SLC16A6: variants seen among roughly 807,000 people sequenced by gnomAD.
SLC16A6 encodes the protein monocarboxylate transporter 7.
SLC16A6 carries 15 observed loss-of-function variants against 33.8 expected under a neutral mutation model. The ratio of observed to expected loss-of-function variants is 0.44; its 90% confidence interval spans 0.30 to 0.68. The LOEUF (loss-of-function observed/expected upper bound fraction) is 0.68, where lower values mean the gene tolerates loss of function less well. Ranked by LOEUF, SLC16A6 falls within the 30% of genes least tolerant of loss-of-function variation. The pLI is 0.10. For missense variants in SLC16A6, 451 were observed against 661.5 expected (o/e 0.68, Z 3.49); for synonymous variants, 219 against 248.4 (o/e 0.88, Z 1.11).
In SLC16A6 at chr17:68,271,026, A is replaced by G; in HGVS notation, c.1134T>C (p.Phe378=). Residue 378 remains phenylalanine (F), a synonymous_variant, in exon 5 of 6, where the codon TTT becomes TTC. Coordinates refer to ENST00000580666, the MANE Select transcript of SLC16A6 (RefSeq NM_004694.5). This position sits in a 1 kb window ranked among gnomAD's most constrained non-coding sequence, Gnocchi z 5.3. ...LLTVSLFAFT[F]ATEFWGLMSC... ...ACATTAGACCCCAGAATTCAGTAGC[A>G]AAAGTAAAGGCAAACAGAGACACAG... The G allele has an allele frequency of 6.2e-7, 1 of 1,614,220 alleles. No homozygotes were observed. The highest frequency in any genetic ancestry group is 1.1e-5 in the South Asian group (1 of 91,092).
At chr17:68,281,600 G>A (rs1314682731) in intron 1 of SLC16A6, among the ~76,000 whole-genome samples, 1 of 151,876 alleles carries the variant, frequency 6.6e-6, no homozygotes, top group Non-Finnish European at 1.5e-5. Context: ...AAATAAAATG[G>A]GTGAATAATC....
At chr17:68,273,858 C>G in intron 3 of SLC16A6, 69 bp downstream of exon 3, 1 of 1,539,690 alleles carries the variant, frequency 6.5e-7, no homozygotes, top group Non-Finnish European at 8.8e-7. Context: ...GCTTTAATTT[C>G]CTCCTTCCCC....
intron 1 of SLC16A6, among the ~76,000 whole-genome samples, chr17:68,282,797 A>T (rs1245448529): frequency 2.0e-5 from 3 of 149,538 alleles, no homozygotes; most frequent in Non-Finnish European, 4.5e-5. Context: ...AAAAAAAAAA[A>T]AAAGGCCAGG....
Position 68,274,031 on chromosome 17 carries a change from C to A in SLC16A6, c.272G>T (p.Arg91Leu), listed in dbSNP as rs368706585. ...ATVLSNRFGH[R>L]LVVMLGGLLV... ...TAGCCCCCCCAACATCACTACCAGA[C>A]GGTGTCCGAAACGATTGCTCAGGAC... The change falls in exon 3 of 6, where the codon CGT becomes CTT. Residue 91 changes from arginine (R) to leucine (L), a missense_variant. Around this residue, in one of 2 missense-constraint regions of SLC16A6, gnomAD observed 405 missense variants for 510.7 expected, o/e 0.79. Coordinates refer to ENST00000580666, the MANE Select transcript of SLC16A6 (RefSeq NM_004694.5). 4 of 1,614,002 alleles carry A rather than the reference C, an allele frequency of 2.5e-6. No homozygotes were observed. The African/African-American group carries it at 5.3e-5, about 22-fold the overall frequency.
chr17:68,286,505 A>G (rs1330942007), intron 1 of SLC16A6, among the ~76,000 whole-genome samples: 1 of 151,934 alleles, frequency 6.6e-6, no homozygotes, highest in Admixed American at 6.6e-5. Context: ...AGAGCATTTT[A>G]TTGTATTTAA....
intron 5 of SLC16A6, among the ~76,000 whole-genome samples, chr17:68,269,751 G>T (rs1310753754): frequency 1.5e-5 from 2 of 131,414 alleles, no homozygotes; most frequent in Non-Finnish European, 3.0e-5. Flanking sequence ...TCAGGTCACT[G>T]CAACCTCTGC....
chr17:68,269,955 G>A (rs1479731498), intron 5 of SLC16A6, among the ~76,000 whole-genome samples: 2 of 152,148 alleles, frequency 1.3e-5, no homozygotes, highest in African/African-American at 2.4e-5. Context: ...TTAGAGGCAT[G>A]AGCCACTGCG....
chr17:68,276,240 C>T (rs2075515824), intron 2 of SLC16A6, among the ~76,000 whole-genome samples: 1 of 150,720 alleles, frequency 6.6e-6, no homozygotes, highest in African/African-American at 2.4e-5. Context: ...ATTACAGGTG[C>T]CCACCACCAC....
chr17:68,277,070 T>C (rs1643441369), intron 2 of SLC16A6, among the ~76,000 whole-genome samples: 1 of 152,206 alleles, frequency 6.6e-6, no homozygotes, highest in Admixed American at 6.5e-5. Context: ...TTTTGCTTCA[T>C]GCATCCACAT....
At position 68,268,943 on chromosome 17, in the gene SLC16A6, G is replaced by A. The variant is rs1407650226; in HGVS notation, c.*153C>T. 1.4e-5 allele frequency: 20 copies of A among 1,444,212 alleles called. No individual in the cohort carries two copies. Among genetic ancestry groups the A allele is most frequent in the Middle Eastern group, 1.8e-4 (1 of 5,430 alleles). The allele number at this position is 1,444,212 out of a possible 1,614,324, so 89.5% of individuals were successfully genotyped here. A position where few individuals can be genotyped will look rare whatever the true frequency, so the allele number is the denominator to read the frequency against. On this transcript the variant is annotated 3_prime_UTR_variant, in exon 6 of 6. Coordinates refer to ENST00000580666, the MANE Select transcript of SLC16A6 (RefSeq NM_004694.5). ...AAACAAAACAAAACAAAACAAAAGCGATGTTGGTAGTGCTCTTCACATACA... is the reference window on the plus strand; with the variant it reads ...AAACAAAACAAAACAAAACAAAAGCAATGTTGGTAGTGCTCTTCACATACA...
intron 2 of SLC16A6, among the ~76,000 whole-genome samples, chr17:68,276,358 T>G (rs900074622): frequency 1.3e-5 from 2 of 152,224 alleles, no homozygotes; most frequent in Admixed American, 6.5e-5. Context: ...AGAAGGGCTT[T>G]AATTTCAGCA....
chr17:68,272,509 A>T, intron 4 of SLC16A6, 130 bp downstream of exon 4: 1 of 1,059,064 alleles, frequency 9.4e-7, no homozygotes, highest in Non-Finnish European at 1.4e-6. Context: ...GCTGGAGAAG[A>T]GACGTAAATA....
Position 68,272,684 on chromosome 17 carries a change from C to G in SLC16A6, c.460G>C (p.Val154Leu). The G allele has an allele frequency of 6.2e-7, 1 of 1,614,158 alleles. No homozygotes were observed. Among genetic ancestry groups the G allele is most frequent in the Non-Finnish European group, 8.5e-7 (1 of 1,180,004 alleles). ...FGKRRSIVTA[V>L]ASTGECFAVF... Reference sequence around the variant, plus strand: ...GCGAAACATTCTCCTGTGGAAGCAACTGCAGTGACTATGGAACGTCTTTTG... The same window carrying G: ...GCGAAACATTCTCCTGTGGAAGCAAGTGCAGTGACTATGGAACGTCTTTTG... Residue 154 changes from valine to leucine, a missense_variant, in exon 4 of 6, where the codon GTT (valine) becomes CTT (leucine). This residue lies in a region of SLC16A6 where 405 missense variants were observed against 510.7 expected (regional missense o/e 0.79). Coordinates refer to ENST00000580666, the MANE Select transcript of SLC16A6 (RefSeq NM_004694.5).
rs2075215874 is a variant in SLC16A6, at chr17:68,268,245, A to G, written c.*851T>C. On this transcript the variant is annotated 3_prime_UTR_variant, in exon 6 of 6. Transcript: ENST00000580666. ...TTCTTTTGATTACTTTAATCATCCT[A>G]GAATAACTTAATAATAAATAGCGGT... is the stretch of plus-strand genomic sequence containing the variant. The G allele has an allele frequency of 6.6e-6, 1 of 152,608 alleles. No homozygotes were observed. Among genetic ancestry groups the G allele is most frequent in the African/African-American group, 2.4e-5 (1 of 41,436 alleles). The allele number at this position is 152,608 out of a possible 1,614,324, so 9.5% of individuals were successfully genotyped here. A position where few individuals can be genotyped will look rare whatever the true frequency, so the allele number is the denominator to read the frequency against.
chr17:68,289,052 T>A (rs2075906609), intron 1 of SLC16A6, among the ~76,000 whole-genome samples: 1 of 152,056 alleles, frequency 6.6e-6, no homozygotes, highest in Admixed American at 6.6e-5. Context: ...TCCCCTTAAA[T>A]AAATGAGTAT....
intron 1 of SLC16A6, among the ~76,000 whole-genome samples, chr17:68,289,560 G>A (rs1008046045): frequency 3.9e-5 from 6 of 152,174 alleles, no homozygotes; most frequent in Admixed American, 6.5e-5. Context: ...GGCGTAGCCC[G>A]GAGAACAGCT....
intron 1 of SLC16A6, among the ~76,000 whole-genome samples, chr17:68,283,922 A>G (rs1367669182): frequency 3.3e-5 from 5 of 150,474 alleles, no homozygotes; most frequent in African/African-American, 1.2e-4. Flanking sequence ...ACATAGCAAA[A>G]CACTGTCTCT....
At chr17:68,279,712 T>C (rs1319422103) in intron 1 of SLC16A6, among the ~76,000 whole-genome samples, 1 of 152,284 alleles carries the variant, frequency 6.6e-6, no homozygotes, top group Non-Finnish European at 1.5e-5. Flanking sequence ...TGGTTTAACT[T>C]AAGTCTTCTG....
intron 1 of SLC16A6, among the ~76,000 whole-genome samples, chr17:68,281,450 C>T (rs1194971746): frequency 1.3e-5 from 2 of 152,054 alleles, no homozygotes; most frequent in Non-Finnish European, 2.9e-5. Flanking sequence ...ACCTCTACAC[C>T]TGTAGTCCCA....
Sources: gnomAD v4.1 joint callset for allele counts (sites outside exome capture counted in the v4.1 genomes callset) on GRCh38, gnomAD v4.1.1 for gene constraint, gnomAD v4.1.1 regional missense constraint, Gnocchi (gnomAD v3.1) non-coding constraint, MANE v1.5 for transcripts, NCBI Gene and HGNC (gene_info 2026-07-23, HGNC 2026-07-21) for gene names.